Variants in NCOA1 observed in about 807,000 individuals in gnomAD.
The protein encoded by NCOA1 is nuclear receptor coactivator 1, also known as Hin-2 protein.
In NCOA1, 35 loss-of-function variants were observed where a neutral mutation model predicts 150.9. The observed-to-expected ratio is 0.23, with a 90% CI of 0.18 to 0.31. The LOEUF (loss-of-function observed/expected upper bound fraction) is 0.31. Among genes scored for constraint, NCOA1 ranks in the 10% least tolerant of loss-of-function variants. The pLI is 1.00. For synonymous variants in NCOA1, 590 were observed against 630.0 expected (o/e 0.94, Z 0.95); for missense variants, 1,491 against 1,749.3 (o/e 0.85, Z 2.63).
intron 3 of NCOA1, among the ~76,000 whole-genome samples, chr2:24,627,303 C>G (rs1669471853): frequency 6.6e-6 from 1 of 151,722 alleles, no homozygotes. Context: ...TTATTAAAAT[C>G]TCTAAGTACA....
chr2:24,704,905 C>G (rs535097009), intron 11 of NCOA1, among the ~76,000 whole-genome samples, 181 bp from the exon 12 acceptor site: 1 of 152,274 alleles, frequency 6.6e-6, no homozygotes, highest in Non-Finnish European at 1.5e-5. Flanking sequence ...TATATTTCAA[C>G]TGGAATCATC....
At chr2:24,632,389 C>A (rs543823020) in intron 3 of NCOA1, among the ~76,000 whole-genome samples, 57 of 152,248 alleles carry the variant, frequency 3.7e-4, no homozygotes, top group African/African-American at 1.3e-3. Flanking sequence ...ATTTAAAAAG[C>A]CACTAGATGC....
chr2:24,645,917 G>C (rs1356337384), intron 4 of NCOA1, among the ~76,000 whole-genome samples: 1 of 152,104 alleles, frequency 6.6e-6, no homozygotes, highest in Admixed American at 6.5e-5. Flanking sequence ...TTATAATAAA[G>C]AGAAATTTTA....
In NCOA1 at chr2:24,741,395, A is replaced by G. The variant is rs151231417; in HGVS notation, c.3304-389A>G. Among the ~76,000 whole-genome samples, 7 of 152,204 alleles carry G rather than the reference A, an allele frequency of 4.6e-5. No individual in the cohort carries two copies. In the East Asian group the frequency reaches 1.2e-3, roughly 25 times the overall value. On this transcript the variant is annotated intron_variant, in intron 18 of 22. Transcript: ENST00000348332. ...ATGAAGGATAGGACAGAAGTCATCAAGCACATTTTCTTTCACTTCCTTATG... is the reference window on the plus strand; with the variant it reads ...ATGAAGGATAGGACAGAAGTCATCAGGCACATTTTCTTTCACTTCCTTATG...
At chr2:24,730,250 A>C (rs2148643244) in intron 17 of NCOA1, among the ~76,000 whole-genome samples, 1 of 152,330 alleles carries the variant, frequency 6.6e-6, no homozygotes, top group South Asian at 2.1e-4. Flanking sequence ...GAAAGACTTG[A>C]AGAGCCATCC....
chr2:24,720,612 T>A (rs1674312055), intron 14 of NCOA1, among the ~76,000 whole-genome samples: 1 of 151,572 alleles, frequency 6.6e-6, no homozygotes, highest in South Asian at 2.1e-4. Context: ...CTACAATGTG[T>A]AGATATAGAC....
intron 14 of NCOA1, among the ~76,000 whole-genome samples, chr2:24,717,317 G>A (rs1487736442): frequency 6.6e-6 from 1 of 152,158 alleles, no homozygotes; most frequent in African/African-American, 2.4e-5. Flanking sequence ...GTTTATGGCA[G>A]CTTTATCCAT....
intron 1 of NCOA1, among the ~76,000 whole-genome samples, chr2:24,507,509 A>T (rs564003235): frequency 1.1e-4 from 17 of 150,194 alleles, no homozygotes; most frequent in Admixed American, 2.0e-4. Flanking sequence ...ATTTTGATAC[A>T]TGCATACAAT....
At chr2:24,500,897 A>G (rs1207244201) in intron 1 of NCOA1, among the ~76,000 whole-genome samples, 1 of 152,162 alleles carries the variant, frequency 6.6e-6, no homozygotes, top group Non-Finnish European at 1.5e-5. Flanking sequence ...GAAAATGGAT[A>G]TTTAGAATTT....
intron 10 of NCOA1, among the ~76,000 whole-genome samples, chr2:24,696,540 G>A (rs1672906661): frequency 2.0e-5 from 3 of 152,176 alleles, no homozygotes; most frequent in Admixed American, 2.0e-4. Flanking sequence ...ATTGCTGGTG[G>A]AAGCATAGAG....
At chr2:24,697,410 C>T (rs890520630) in intron 10 of NCOA1, among the ~76,000 whole-genome samples, 13 of 152,162 alleles carry the variant, frequency 8.5e-5, no homozygotes, top group African/African-American at 1.4e-4. Context: ...TATGGTATGA[C>T]TTTAATCCTA....
chr2:24,574,435 T>G (rs1666867009), intron 2 of NCOA1, among the ~76,000 whole-genome samples: 1 of 152,158 alleles, frequency 6.6e-6, no homozygotes, highest in Admixed American at 6.5e-5. Flanking sequence ...TATGACTTTT[T>G]TAATGGTTCA....
chr2:24,659,888 G>A (rs985301981), intron 5 of NCOA1, among the ~76,000 whole-genome samples: 1 of 152,100 alleles, frequency 6.6e-6, no homozygotes, highest in African/African-American at 2.4e-5. Flanking sequence ...GGGGCCAGGG[G>A]AAACAAAATC....
At position 24,726,504 on chromosome 2, in the gene NCOA1, C is replaced by T. The variant is rs1674629149; in HGVS notation, c.2600-85C>T. 10 of 711,040 alleles carry T rather than the reference C, an allele frequency of 1.4e-5. 1 individual carries two copies. In the South Asian group the frequency reaches 1.9e-4, roughly 13 times the overall value. 44.0% of individuals were successfully genotyped at this position (711,040 alleles called of 1,614,324 possible). On this transcript the variant is annotated intron_variant, in intron 14 of 22. Coordinates refer to ENST00000348332, the MANE Select transcript of NCOA1 (RefSeq NM_003743.5). Reference sequence around the variant, plus strand: ...AAGTAATATTTTAAAGGAGAAATCTCACTCTCCAATATATTATTTTTGAAA... The same window carrying T: ...AAGTAATATTTTAAAGGAGAAATCTTACTCTCCAATATATTATTTTTGAAA...
At position 24,673,442 on chromosome 2, in the gene NCOA1, C is replaced by T. The variant is rs1671769882; in HGVS notation, c.333C>T (p.Ser111=). 2.5e-6 allele frequency: 4 copies of T among 1,588,246 alleles called. No homozygotes were observed. The highest frequency in any genetic ancestry group is 1.7e-4 in the Middle Eastern group (1 of 6,042). The part of the protein sequence containing the change: ...SSSQGVIEKE[S]LGPLLLEALD... Reference sequence around the variant, plus strand: ...GTCAAGGAGTGATAGAAAAGGAATCCTTGGGACCTCTTCTTTTGGAGGTAG... The same window carrying T: ...GTCAAGGAGTGATAGAAAAGGAATCTTTGGGACCTCTTCTTTTGGAGGTAG... Residue 111 remains serine, a synonymous_variant, in exon 7 of 23, where the codon TCC becomes TCT. Transcript: ENST00000348332.
chr2:24,686,989 C>T (rs1333064489), intron 8 of NCOA1, among the ~76,000 whole-genome samples: 1 of 151,752 alleles, frequency 6.6e-6, no homozygotes, highest in Non-Finnish European at 1.5e-5. Flanking sequence ...ATATACTGAC[C>T]ACCATAACAG....
At chr2:24,680,767 T>TA (rs1250875418) in intron 7 of NCOA1, among the ~76,000 whole-genome samples, 2 of 152,192 alleles carry the variant, frequency 1.3e-5, no homozygotes, top group Non-Finnish European at 2.9e-5. Flanking sequence ...AGGTAGTGCT[T>TA]ATGTTCATTA....
chr2:24,533,537 G>C (rs1664989263), intron 1 of NCOA1, among the ~76,000 whole-genome samples: 1 of 152,238 alleles, frequency 6.6e-6, no homozygotes. Flanking sequence ...TTTTCAAAGG[G>C]AATGCTTCCA....
chr2:24,505,032 A>G (rs768064805), intron 1 of NCOA1, among the ~76,000 whole-genome samples: 1 of 152,036 alleles, frequency 6.6e-6, no homozygotes, highest in Non-Finnish European at 1.5e-5. Context: ...ATAGTTGGCC[A>G]ACTATTGGTG....
Sources: gnomAD v4.1 joint callset for allele counts (sites outside exome capture counted in the v4.1 genomes callset) on GRCh38, gnomAD v4.1.1 for gene constraint, MANE v1.5 for transcripts, NCBI Gene and HGNC (gene_info 2026-07-23, HGNC 2026-07-21) for gene names.